Variants in OPCML observed in about 807,000 individuals in gnomAD.
OPCML encodes the protein opioid binding protein/cell adhesion molecule like.
In OPCML, 13 loss-of-function variants were observed where a neutral mutation model predicts 37.8. That is an observed-to-expected ratio of 0.34 (90% CI 0.22 to 0.55). OPCML has a LOEUF of 0.55. Among genes scored for constraint, OPCML ranks in the 20% least tolerant of loss-of-function variants. The pLI, the probability that OPCML is intolerant of heterozygous loss-of-function variation, is 0.91. For synonymous variants in OPCML, 176 were observed against 168.8 expected, an observed-to-expected ratio of 1.04 and a Z score of -0.33; for missense variants, 341 against 435.6, an observed-to-expected ratio of 0.78 and a Z score of 1.93.
At chr11:133,357,978 T>C (rs942110993) in intron 1 of OPCML, among the ~76,000 whole-genome samples, 1 of 152,112 alleles carries the variant, frequency 6.6e-6, no homozygotes, top group Non-Finnish European at 1.5e-5. Flanking sequence ...TCCTCAGGCC[T>C]ACCCCACTGC....
chr11:133,178,027 G>A lies in OPCML; in HGVS notation c.62-235017C>T, dbSNP rs992871881. Among the ~76,000 whole-genome samples, 5 of 152,134 alleles carry A rather than the reference G, an allele frequency of 3.3e-5. No individual in the cohort carries two copies. The East Asian group carries it at 5.8e-4, about 18-fold the overall frequency. ...TGTCAATACACATATTCCAGGATCC[G>A]TTTTGATCAGTCAAGTGGTATTCGT... On this transcript the variant is annotated intron_variant, in intron 1 of 7. Transcript: ENST00000524381.
At chr11:133,006,226 C>T (rs1217367633) in intron 1 of OPCML, 28 of 678,028 alleles carry the variant, frequency 4.1e-5, no homozygotes, top group Non-Finnish European at 4.9e-5. Flanking sequence ...CGTCTTCCTG[C>T]GTGGAACCTG....
chr11:133,337,415 A>G (rs915721727), intron 1 of OPCML, among the ~76,000 whole-genome samples: 4 of 152,164 alleles, frequency 2.6e-5, no homozygotes, highest in Admixed American at 1.3e-4. Context: ...TGCCTGGGGA[A>G]CCACGGACTT....
intron 1 of OPCML, among the ~76,000 whole-genome samples, chr11:133,365,065 C>T (rs965839668): frequency 2.0e-5 from 3 of 151,774 alleles, no homozygotes; most frequent in African/African-American, 7.3e-5. Flanking sequence ...CACACACACA[C>T]ACACACACAC....
chr11:132,574,094 T>C (rs140447334), intron 3 of OPCML, among the ~76,000 whole-genome samples: 1 of 151,998 alleles, frequency 6.6e-6, no homozygotes, highest in East Asian at 1.9e-4. Flanking sequence ...ATTATGATTT[T>C]ATATATTTGA....
intron 2 of OPCML, among the ~76,000 whole-genome samples, chr11:132,742,029 CA>C (rs61200603): frequency 0.078 from 10,334 of 131,666 alleles, 907 homozygotes; most frequent in African/African-American, 0.23. Flanking sequence ...AACTCTGTCT[CA>C]AAAAAAAAAA....
At chr11:133,387,613 T>A (rs935831011) in intron 1 of OPCML, among the ~76,000 whole-genome samples, 4 of 152,240 alleles carry the variant, frequency 2.6e-5, no homozygotes, top group Non-Finnish European at 5.9e-5. Flanking sequence ...ATTAATTCCT[T>A]CACTCAGTGT....
chr11:133,404,247 G>A (rs10732871), intron 1 of OPCML, among the ~76,000 whole-genome samples: 1 of 152,236 alleles, frequency 6.6e-6, no homozygotes, highest in East Asian at 1.9e-4. Context: ...ACTGGATAAG[G>A]GTCCTCCCTA....
At chr11:133,099,256 T>G (rs113781210) in intron 1 of OPCML, among the ~76,000 whole-genome samples, 2,308 of 151,504 alleles carry the variant, frequency 0.015, 51 homozygotes, top group African/African-American at 0.052. Flanking sequence ...CATCTGTTAG[T>G]TTTTTATCTT....
Position 133,177,334 on chromosome 11 carries a change from G to A in OPCML, c.62-234324C>T, listed in dbSNP as rs1368458746. 3.9e-5 allele frequency among the ~76,000 whole-genome samples: 6 copies of A among 152,174 alleles called. No individual in the cohort carries two copies. The highest frequency in any genetic ancestry group is 7.3e-5 in the Non-Finnish European group (5 of 68,040). The stretch of plus-strand genomic sequence containing the variant: ...ACTTTTTAAGATTCTATCATTTGAA[G>A]GAAGGAAGTGGAGAGGGCTATAAAT... On this transcript the variant is annotated intron_variant, in intron 1 of 7. Coordinates refer to ENST00000524381, the MANE Select transcript of OPCML (RefSeq NM_001012393.5). The surrounding 1 kb of genome is among the most constrained non-coding windows in gnomAD (Gnocchi z 5.0).
At chr11:133,373,003 C>A (rs887373860) in intron 1 of OPCML, among the ~76,000 whole-genome samples, 1 of 152,078 alleles carries the variant, frequency 6.6e-6, no homozygotes, top group African/African-American at 2.4e-5. Flanking sequence ...ACAAAATACT[C>A]TTTTCTTTGA....
chr11:132,891,290 C>A (rs972408818), intron 2 of OPCML, among the ~76,000 whole-genome samples: 4 of 152,116 alleles, frequency 2.6e-5, no homozygotes, highest in Non-Finnish European at 5.9e-5. Context: ...CCTCTCCTAC[C>A]AGACCCAAGC....
chr11:132,558,843 C>T (rs2096404165), intron 3 of OPCML, among the ~76,000 whole-genome samples: 1 of 151,946 alleles, frequency 6.6e-6, no homozygotes, highest in South Asian at 2.1e-4. Context: ...TCAATTTTTT[C>T]AGCCAGAATC....
At chr11:132,840,675 G>C (rs2136301280) in intron 2 of OPCML, among the ~76,000 whole-genome samples, 1 of 152,300 alleles carries the variant, frequency 6.6e-6, no homozygotes, top group South Asian at 2.1e-4. Flanking sequence ...GCGTTAATCT[G>C]TCTTTAAATG....
chr11:132,686,380 T>A (rs763242577), intron 2 of OPCML, among the ~76,000 whole-genome samples: 11 of 152,204 alleles, frequency 7.2e-5, no homozygotes, highest in African/African-American at 9.6e-5. Flanking sequence ...TGTCCTGTCC[T>A]CAAGAACTAC....
Position 133,177,406 on chromosome 11 carries a change from A to C in OPCML, c.62-234396T>G, listed in dbSNP as rs1937621639. ...TCAGTAATCTTGAACCACTAATGCT[A>C]ATTTATGATTTTGGACAGGTTACTT... On this transcript the variant is annotated intron_variant, in intron 1 of 7. Coordinates refer to ENST00000524381, the MANE Select transcript of OPCML (RefSeq NM_001012393.5). The surrounding 1 kb of genome is among the most constrained non-coding windows in gnomAD (Gnocchi z 5.0). 6.6e-6 allele frequency among the ~76,000 whole-genome samples: 1 copy of C among 152,196 alleles called. No individual in the cohort carries two copies. Among genetic ancestry groups the C allele is most frequent in the Non-Finnish European group, 1.5e-5 (1 of 68,034 alleles).
chr11:132,590,046 G>A (rs945728065), intron 3 of OPCML, among the ~76,000 whole-genome samples: 1 of 152,082 alleles, frequency 6.6e-6, no homozygotes, highest in Non-Finnish European at 1.5e-5. Flanking sequence ...CTATTTATGG[G>A]CAATGCAGAT....
At chr11:132,887,505 C>T (rs558167400) in intron 2 of OPCML, among the ~76,000 whole-genome samples, 155 of 152,268 alleles carry the variant, frequency 1.0e-3, no homozygotes, top group Non-Finnish European at 1.6e-3. Context: ...GGGGCCTGAC[C>T]GAGTACAATG....
intron 4 of OPCML, among the ~76,000 whole-genome samples, chr11:132,498,932 A>G (rs574413982): frequency 6.6e-6 from 1 of 152,364 alleles, no homozygotes; most frequent in African/African-American, 2.4e-5. Context: ...AAGAAGTGGT[A>G]CGTGCTACAC....
Sources: allele counts gnomAD v4.1 joint callset (sites outside exome capture counted in the v4.1 genomes callset), GRCh38; gene constraint gnomAD v4.1.1; non-coding constraint Gnocchi (gnomAD v3.1); transcripts MANE v1.5; gene names NCBI Gene and HGNC (gene_info 2026-07-23, HGNC 2026-07-21).